SAMD7: variants seen among roughly 807,000 people sequenced by gnomAD.
SAMD7 encodes sterile alpha motif domain containing 7.
A neutral mutation model predicts 36.7 loss-of-function variants in SAMD7; 34 were observed. That is an observed-to-expected ratio of 0.93 (90% CI 0.71 to 1.23). The LOEUF (loss-of-function observed/expected upper bound fraction) is 1.23, where lower values mean the gene tolerates loss of function less well. Ranked by LOEUF, SAMD7 falls within the 50% of genes most tolerant of loss-of-function variation. The pLI is 0.00. For missense variants in SAMD7, 570 were observed against 546.6 expected, an observed-to-expected ratio of 1.04 and a Z score of -0.43; for synonymous variants, 188 against 189.7, an observed-to-expected ratio of 0.99 and a Z score of 0.07.
Position 169,919,451 on chromosome 3 carries a change from T to G in SAMD7, c.-41-7T>G, listed in dbSNP as rs758405733. ...ATTTGTTAAAGTGTCTATCTGGTTC[T>G]TTTTAGAACTCCATTAGTGGCGAGA... On this transcript the variant is annotated splice_region_variant and splice_polypyrimidine_tract_variant and intron_variant, in intron 2 of 8. Coordinates refer to ENST00000335556, the MANE Select transcript of SAMD7 (RefSeq NM_001304366.2). The G allele has an allele frequency of 7.0e-7, 1 of 1,429,548 alleles. No homozygotes were observed. The highest frequency in any genetic ancestry group is 1.4e-5 in the African/African-American group (1 of 71,350). The allele number at this position is 1,429,548 out of a possible 1,614,324, so 88.6% of individuals were successfully genotyped here.
At chr3:169,916,495 A>G (rs1712808148) in intron 2 of SAMD7, among the ~76,000 whole-genome samples, 1 of 152,102 alleles carries the variant, frequency 6.6e-6, no homozygotes, top group African/African-American at 2.4e-5. Flanking sequence ...AAAATACAAA[A>G]AAATTAGCCG....
At chr3:169,930,343 C>G (rs1206853582) in intron 7 of SAMD7, among the ~76,000 whole-genome samples, 2 of 152,098 alleles carry the variant, frequency 1.3e-5, no homozygotes, top group Non-Finnish European at 2.9e-5. Context: ...TTAGTTTCCC[C>G]ATTAAAGTAT....
chr3:169,932,242 GA>G, intron 7 of SAMD7: 1 of 851,234 alleles, frequency 1.2e-6, no homozygotes, highest in Non-Finnish European at 2.0e-6. Context: ...AGTGTACTGT[GA>G]AGAGACACCA....
At chr3:169,924,473 G>T (rs923461833) in intron 4 of SAMD7, among the ~76,000 whole-genome samples, 1 of 152,130 alleles carries the variant, frequency 6.6e-6, no homozygotes, top group African/African-American at 2.4e-5. Flanking sequence ...TGTAATCCCA[G>T]CTACTTGGGA....
intron 6 of SAMD7, among the ~76,000 whole-genome samples, chr3:169,927,799 T>C (rs757335875): frequency 1.8e-4 from 27 of 152,350 alleles, no homozygotes; most frequent in Non-Finnish European, 3.7e-4. Flanking sequence ...TTAGTGTTCA[T>C]TTCTTCAACA....
chr3:169,917,109 T>C (rs1280214852), intron 2 of SAMD7, among the ~76,000 whole-genome samples: 1 of 152,242 alleles, frequency 6.6e-6, no homozygotes, highest in Admixed American at 6.5e-5. Flanking sequence ...CTTTAATATG[T>C]ATGTATGAAT....
chr3:169,925,240 A>G (rs1342751454), intron 5 of SAMD7, 104 bp downstream of exon 5: 1 of 656,892 alleles, frequency 1.5e-6, no homozygotes, highest in Non-Finnish European at 2.5e-6. Flanking sequence ...TATATAACAA[A>G]TAAATACACA....
chr3:169,938,319 T>C lies in SAMD7; in HGVS notation c.1154T>C (p.Val385Ala). The change falls in exon 9 of 9, where the codon GTA becomes GCA. Residue 385 changes from valine (V) to alanine (A), a missense_variant and splice_region_variant. Physicochemically the swap from Val to Ala is moderately conservative, Grantham distance 64. Coordinates refer to ENST00000335556, the MANE Select transcript of SAMD7 (RefSeq NM_001304366.2). Reference protein sequence around the residue: ...LGPALKIQSQVSQHVGSMFYK... With the variant: ...LGPALKIQSQASQHVGSMFYK... ...ACTATAATTATTTTGTCTTAAAAGG[T>C]ATCTCAGCATGTGGGAAGTATGTTC... 3.8e-6 allele frequency: 6 copies of C among 1,591,238 alleles called. No homozygotes were observed. In the South Asian group the frequency reaches 6.8e-5, roughly 18 times the overall value.
Position 169,921,285 on chromosome 3 carries a change from C to G in SAMD7, c.158C>G (p.Ser53Cys). The G allele has an allele frequency of 6.2e-7, 1 of 1,614,146 alleles. No homozygotes were observed. The highest frequency in any genetic ancestry group is 1.1e-5 in the South Asian group (1 of 91,082). The change falls in exon 4 of 9, where the codon TCT becomes TGT. Residue 53 changes from serine (S) to cysteine (C), a missense_variant. By Grantham distance (112) the Ser-to-Cys change is moderately radical. Transcript: ENST00000335556. ...QFCVPSQFGSSVLPNTNMANV... is the reference protein window; with the variant it reads ...QFCVPSQFGSCVLPNTNMANV... Reference sequence around the variant, plus strand: ...TGCGTTCCTTCCCAATTTGGATCCTCTGTTCTACCAAACACAAATATGGCA... The same window carrying G: ...TGCGTTCCTTCCCAATTTGGATCCTGTGTTCTACCAAACACAAATATGGCA...
At chr3:169,921,398 T>G in intron 4 of SAMD7, 60 bp downstream of exon 4, 1 of 1,554,646 alleles carries the variant, frequency 6.4e-7, no homozygotes. Flanking sequence ...GATGGATGCA[T>G]TAAGTTTGCC....
rs531340226 is a variant in SAMD7 at position 169,938,175 on chromosome 3, C to G, written c.1153-143C>G. On this transcript the variant is annotated intron_variant, in intron 8 of 8. Coordinates refer to ENST00000335556, the MANE Select transcript of SAMD7 (RefSeq NM_001304366.2). Reference sequence around the variant, plus strand: ...GAGAGAAAGAAAAAGCCCACCACATCCTACAATTGTGACCCCCACAACTAT... The same window carrying G: ...GAGAGAAAGAAAAAGCCCACCACATGCTACAATTGTGACCCCCACAACTAT... 47 of 604,956 alleles carry G rather than the reference C, an allele frequency of 7.8e-5. No individual in the cohort carries two copies. In the East Asian group the frequency reaches 1.3e-3, roughly 16 times the overall value. 37.5% of individuals were successfully genotyped at this position (604,956 alleles called of 1,614,324 possible).
rs777269122 is a variant in SAMD7, at chr3:169,926,904, T to C, written c.642T>C (p.His214=). The change falls in exon 6 of 9, where the codon CAT becomes CAC. Residue 214 remains histidine, a synonymous_variant. Coordinates refer to ENST00000335556, the MANE Select transcript of SAMD7 (RefSeq NM_001304366.2). ...AAGAAAAAATCCTAGGTCAGACTCA[T>C]GCAGTTCCCTATGAAGAGGATCATT... ...QAEEKILGQT[H]AVPYEEDHYA... 4.3e-6 allele frequency: 7 copies of C among 1,613,902 alleles called. No homozygotes were observed. Among genetic ancestry groups the C allele is most frequent in the Non-Finnish European group, 5.9e-6 (7 of 1,179,970 alleles).
intron 7 of SAMD7, among the ~76,000 whole-genome samples, chr3:169,933,421 G>A (rs1713595971): frequency 6.6e-6 from 1 of 152,194 alleles, no homozygotes; most frequent in Non-Finnish European, 1.5e-5. Context: ...AAGTTTCTGA[G>A]CATGGAGATG....
At chr3:169,925,158 A>G (rs1388739792) in intron 5 of SAMD7, 22 bp downstream of exon 5, 2 of 1,523,160 alleles carry the variant, frequency 1.3e-6, no homozygotes, top group Non-Finnish European at 1.8e-6. Flanking sequence ...ATGTTGTTTT[A>G]TTTATTCTCT....
intron 4 of SAMD7, among the ~76,000 whole-genome samples, chr3:169,921,542 G>A (rs1417529979): frequency 6.6e-6 from 1 of 152,144 alleles, no homozygotes; most frequent in Non-Finnish European, 1.5e-5. Context: ...TCCTCTAAGT[G>A]TCAATTTATT....
At chr3:169,932,548 G>A in intron 7 of SAMD7, 1 of 538,802 alleles carries the variant, frequency 1.9e-6, no homozygotes, top group Non-Finnish European at 3.6e-6. Context: ...CTGTTACCAT[G>A]GAGCAGCTGT....
intron 7 of SAMD7, among the ~76,000 whole-genome samples, chr3:169,931,326 A>G (rs1176856606): frequency 6.6e-6 from 1 of 152,208 alleles, no homozygotes; most frequent in East Asian, 1.9e-4. Context: ...AGGGACATGT[A>G]TGTGTCCTCG....
At chr3:169,933,810 C>T (rs1177904909) in intron 7 of SAMD7, among the ~76,000 whole-genome samples, 1 of 152,098 alleles carries the variant, frequency 6.6e-6, no homozygotes, top group African/African-American at 2.4e-5. Flanking sequence ...AAGAGGGGCA[C>T]CAGTGAGTGA....
chr3:169,922,323 A>G (rs887476760), intron 4 of SAMD7, among the ~76,000 whole-genome samples: 15 of 152,334 alleles, frequency 9.8e-5, no homozygotes, highest in African/African-American at 3.6e-4. Context: ...ACCCACTAAC[A>G]GAGTCCAGAG....
Sources: allele counts gnomAD v4.1 joint callset (sites outside exome capture counted in the v4.1 genomes callset), GRCh38; gene constraint gnomAD v4.1.1; transcripts MANE v1.5; gene names NCBI Gene and HGNC (gene_info 2026-07-23, HGNC 2026-07-21).